FHIT: variants seen among roughly 807,000 people sequenced by gnomAD.
The protein encoded by FHIT is fragile histidine triad diadenosine triphosphatase.
A neutral mutation model predicts 17.9 loss-of-function variants in FHIT; 19 were observed. The ratio of observed to expected loss-of-function variants is 1.06; its 90% confidence interval spans 0.74 to 1.56. The LOEUF (loss-of-function observed/expected upper bound fraction) is 1.56, where lower values mean the gene tolerates loss of function less well. Ranked by LOEUF, FHIT falls within the 40% of genes most tolerant of loss-of-function variation. The pLI is 0.00. For missense variants in FHIT, 248 were observed against 189.2 expected (o/e 1.31, Z -1.82); for synonymous variants, 81 against 69.7 (o/e 1.16, Z -0.81).
At chr3:60,967,922 T>C (rs1709828229) in intron 3 of FHIT, among the ~76,000 whole-genome samples, 1 of 152,236 alleles carries the variant, frequency 6.6e-6, no homozygotes, top group Non-Finnish European at 1.5e-5. Flanking sequence ...AATTCGCCAC[T>C]ACAATTTAAA....
intron 4 of FHIT, among the ~76,000 whole-genome samples, chr3:60,562,060 T>C (rs1263408469): frequency 6.6e-6 from 1 of 152,070 alleles, no homozygotes; most frequent in Non-Finnish European, 1.5e-5. Flanking sequence ...TATGTTTGAG[T>C]TCTCATTCAT....
chr3:59,835,680 G>A (rs1177920151), intron 8 of FHIT, among the ~76,000 whole-genome samples: 3 of 152,096 alleles, frequency 2.0e-5, no homozygotes, highest in Non-Finnish European at 2.9e-5. Context: ...TTCCAATTTA[G>A]TGCTACGAGA....
intron 4 of FHIT, among the ~76,000 whole-genome samples, chr3:60,719,670 T>C (rs569181095): frequency 6.6e-6 from 1 of 152,264 alleles, no homozygotes. Context: ...AATCAGAATC[T>C]ACATTTCAAC....
intron 8 of FHIT, among the ~76,000 whole-genome samples, chr3:59,875,290 G>A (rs1312578154): frequency 3.3e-5 from 5 of 152,204 alleles, no homozygotes; most frequent in Non-Finnish European, 7.3e-5. Context: ...GACTGCCAGA[G>A]GTGCCAGCTG....
intron 5 of FHIT, among the ~76,000 whole-genome samples, chr3:60,382,761 A>T (rs908579981): frequency 6.6e-6 from 1 of 152,182 alleles, no homozygotes. Flanking sequence ...AACTAAAAAG[A>T]ACTGTATACA....
intron 3 of FHIT, among the ~76,000 whole-genome samples, chr3:61,041,164 A>C (rs2033492869): frequency 6.6e-6 from 1 of 152,066 alleles, no homozygotes; most frequent in Non-Finnish European, 1.5e-5. Context: ...GCAGATCACG[A>C]GGTCAAGAGA....
chr3:60,838,300 C>A (rs143076847), intron 3 of FHIT, among the ~76,000 whole-genome samples: 1 of 151,986 alleles, frequency 6.6e-6, no homozygotes, highest in African/African-American at 2.4e-5. Flanking sequence ...CGGTGAAACC[C>A]GTCTCTACTA....
chr3:60,962,040 A>T (rs2107499671), intron 3 of FHIT, among the ~76,000 whole-genome samples: 1 of 152,198 alleles, frequency 6.6e-6, no homozygotes, highest in South Asian at 2.1e-4. Context: ...TTTTCACGAT[A>T]TTGATTCTTC....
chr3:59,794,535 G>A (rs1699700363), intron 8 of FHIT, among the ~76,000 whole-genome samples: 1 of 152,184 alleles, frequency 6.6e-6, no homozygotes, highest in African/African-American at 2.4e-5. Flanking sequence ...CAGGCCCTGT[G>A]CAGGCGCTTT....
chr3:60,957,850 C>T (rs1709243944), intron 3 of FHIT, among the ~76,000 whole-genome samples: 1 of 152,248 alleles, frequency 6.6e-6, no homozygotes. Flanking sequence ...ATCTCTTCCA[C>T]ATAGGTGAGC....
intron 5 of FHIT, among the ~76,000 whole-genome samples, chr3:60,326,205 G>C (rs1709685132): frequency 6.6e-6 from 1 of 152,046 alleles, no homozygotes; most frequent in Admixed American, 6.6e-5. Context: ...TACATTTATT[G>C]TGCATTTTAT....
At chr3:60,034,128 A>G (rs747581810) in intron 5 of FHIT, among the ~76,000 whole-genome samples, 12 of 152,236 alleles carry the variant, frequency 7.9e-5, no homozygotes, top group Non-Finnish European at 1.8e-4. Flanking sequence ...TTCATAAGGT[A>G]GGTACTCTAA....
chr3:60,521,174 T>C (rs1469340424), intron 5 of FHIT, among the ~76,000 whole-genome samples: 3 of 152,080 alleles, frequency 2.0e-5, no homozygotes, highest in East Asian at 3.9e-4. Context: ...TACCATTATA[T>C]AATGTCCATT....
chr3:59,769,392 G>A (rs758139201), intron 8 of FHIT, among the ~76,000 whole-genome samples: 1 of 152,162 alleles, frequency 6.6e-6, no homozygotes, highest in Non-Finnish European at 1.5e-5. Context: ...GTGGGAACCT[G>A]CATCCCACCC....
At chr3:61,194,921 G>A (rs1038762542) in intron 2 of FHIT, among the ~76,000 whole-genome samples, 2 of 150,146 alleles carry the variant, frequency 1.3e-5, no homozygotes, top group Admixed American at 6.7e-5. Context: ...CACACCTAGG[G>A]ATGAGAAAAC....
intron 3 of FHIT, among the ~76,000 whole-genome samples, chr3:60,923,203 T>C (rs1445402594): frequency 6.6e-6 from 1 of 152,356 alleles, no homozygotes; most frequent in East Asian, 1.9e-4. Flanking sequence ...ACAAAATTTC[T>C]CAAGTTTCTC....
At chr3:60,752,285 C>G (rs1553717037) in intron 4 of FHIT, among the ~76,000 whole-genome samples, 3 of 152,174 alleles carry the variant, frequency 2.0e-5, no homozygotes, top group Non-Finnish European at 4.4e-5. Context: ...TCAGGAAGAA[C>G]TTACACAAAT....
At chr3:60,441,119 T>C (rs1473691979) in intron 5 of FHIT, among the ~76,000 whole-genome samples, 2 of 152,050 alleles carry the variant, frequency 1.3e-5, no homozygotes, top group East Asian at 3.9e-4. Flanking sequence ...GTGATATCAC[T>C]ATCTTTACCT....
intron 2 of FHIT, among the ~76,000 whole-genome samples, chr3:61,083,820 G>A (rs2035224306): frequency 6.6e-6 from 1 of 152,104 alleles, no homozygotes; most frequent in African/African-American, 2.4e-5. Flanking sequence ...CATCCATGTT[G>A]CAGCATATAT....
Sources: gnomAD v4.1 joint callset for allele counts (sites outside exome capture counted in the v4.1 genomes callset) on GRCh38, gnomAD v4.1.1 for gene constraint, MANE v1.5 for transcripts, NCBI Gene and HGNC (gene_info 2026-07-23, HGNC 2026-07-21) for gene names.